Variants in FBXW11 observed in about 807,000 individuals in gnomAD.
FBXW11 encodes F-box and WD repeat domain containing 11, also known as F-box/WD repeat-containing protein 11.
FBXW11 carries 19 observed loss-of-function variants against 77.6 expected under a neutral mutation model. That is an observed-to-expected ratio of 0.24 (90% CI 0.17 to 0.36). FBXW11 has a LOEUF of 0.36. Ranked by LOEUF, FBXW11 falls within the 10% of genes least tolerant of loss-of-function variation. The pLI is 1.00. For synonymous variants in FBXW11, 235 were observed against 249.4 expected, an observed-to-expected ratio of 0.94 and a Z score of 0.54; for missense variants, 334 against 704.2, an observed-to-expected ratio of 0.47 and a Z score of 5.95.
At position 172,006,383 on chromosome 5, in the gene FBXW11, C is replaced by A. The variant is rs199729973; in HGVS notation, c.45+75G>T. ...GGGAAGGGCCAGAGCCGGCCTCGCA[C>A]CGGACGTTGAGGTGGGCAGGCCCGC... On this transcript the variant is annotated intron_variant, in intron 1 of 13. Transcript: ENST00000517395. The A allele has an allele frequency of 4.5e-4, 604 of 1,350,378 alleles. 1 individual carries two copies. The highest frequency in any genetic ancestry group is 5.8e-4 in the Non-Finnish European group (579 of 996,036). The allele number at this position is 1,350,378 out of a possible 1,614,324, so 83.6% of individuals were successfully genotyped here.
At chr5:171,952,254 A>G (rs1488512432) in intron 2 of FBXW11, among the ~76,000 whole-genome samples, 1 of 150,676 alleles carries the variant, frequency 6.6e-6, no homozygotes, top group African/African-American at 2.4e-5. Flanking sequence ...AATAGCAACA[A>G]ATGTTCTCTC....
At chr5:171,969,840 A>G (rs112288058) in intron 1 of FBXW11, among the ~76,000 whole-genome samples, 7,284 of 152,010 alleles carry the variant, frequency 0.048, 529 homozygotes, top group African/African-American at 0.17. Context: ...TAGAGCTGGG[A>G]TTACAGGTGT....
chr5:171,953,591 G>A (rs2113289347), intron 2 of FBXW11, among the ~76,000 whole-genome samples: 1 of 152,222 alleles, frequency 6.6e-6, no homozygotes, highest in African/African-American at 2.4e-5. Context: ...TGGAGAACCA[G>A]GAGCAAGTAA....
intron 4 of FBXW11, among the ~76,000 whole-genome samples, chr5:171,907,610 A>G (rs991811546): frequency 6.6e-6 from 1 of 152,198 alleles, no homozygotes; most frequent in Admixed American, 6.5e-5. Flanking sequence ...ACATATGTAT[A>G]TATGTTCAGA....
chr5:171,972,256 T>C (rs944155387), intron 1 of FBXW11, among the ~76,000 whole-genome samples: 8 of 151,398 alleles, frequency 5.3e-5, no homozygotes, highest in South Asian at 2.1e-4. Context: ...GGCAGGAGAA[T>C]TGCTTGAGCC....
rs1468805254 is a variant in FBXW11, at chr5:171,957,499, A to G, written c.147+98T>C. 8.1e-6 allele frequency: 9 copies of G among 1,115,784 alleles called. No homozygotes were observed. The African/African-American group carries it at 1.1e-4, about 13-fold the overall frequency. 69.1% of individuals were successfully genotyped at this position (1,115,784 alleles called of 1,614,324 possible). On this transcript the variant is annotated intron_variant, in intron 2 of 13. Transcript: ENST00000517395. ...AAGCAGAGGGTTACACAGAACATTT[A>G]GCAGACTTAACATTGGATTAAACAC...
Position 171,877,991 on chromosome 5 carries a change from A to C in FBXW11, c.971+20T>G, listed in dbSNP as rs780881448. Reference sequence around the variant, plus strand: ...CAGGGAAGGCTTACAAGTTAAGAACAATGAAGCCAGATCACTCACCTCACC... The same window carrying C: ...CAGGGAAGGCTTACAAGTTAAGAACCATGAAGCCAGATCACTCACCTCACC... On this transcript the variant is annotated intron_variant, in intron 8 of 13. Coordinates refer to ENST00000517395, the MANE Select transcript of FBXW11 (RefSeq NM_001378974.1). The C allele has an allele frequency of 2.6e-6, 4 of 1,561,560 alleles. No individual in the cohort carries two copies. The highest frequency in any genetic ancestry group is 3.5e-6 in the Non-Finnish European group (4 of 1,133,628).
rs1209575946 is a variant in FBXW11, at chr5:171,869,502, C to A, written c.1530+227G>T. The stretch of plus-strand genomic sequence containing the variant: ...ACCAGTCCACCTACAAATCAGGAAG[C>A]CTGCCTTCATATCTTAAGCTGCATT... On this transcript the variant is annotated intron_variant, in intron 12 of 13. Coordinates refer to ENST00000517395, the MANE Select transcript of FBXW11 (RefSeq NM_001378974.1). The surrounding 1 kb of genome is among the most constrained non-coding windows in gnomAD (Gnocchi z 4.1). Among the ~76,000 whole-genome samples, 2 of 152,194 alleles carry A rather than the reference C, an allele frequency of 1.3e-5. No homozygotes were observed. Among genetic ancestry groups the A allele is most frequent in the African/African-American group, 4.8e-5 (2 of 41,436 alleles).
chr5:171,903,660 G>A (rs759868651), intron 4 of FBXW11, among the ~76,000 whole-genome samples: 1 of 151,922 alleles, frequency 6.6e-6, no homozygotes, highest in Non-Finnish European at 1.5e-5. Flanking sequence ...TTAGAACATA[G>A]CTAATTACAG....
intron 1 of FBXW11, among the ~76,000 whole-genome samples, chr5:171,978,256 G>T (rs1359845754): frequency 6.6e-6 from 1 of 152,180 alleles, no homozygotes; most frequent in Non-Finnish European, 1.5e-5. Flanking sequence ...GAAAACAGAG[G>T]TGTCAAAGTT....
At chr5:171,891,690 A>C in intron 6 of FBXW11, 86 bp from the exon 7 acceptor site, 1 of 1,366,790 alleles carries the variant, frequency 7.3e-7, no homozygotes, top group Non-Finnish European at 1.0e-6. Flanking sequence ...TTCCAGAAAC[A>C]GCATACCACC....
At chr5:171,958,173 C>A (rs1314081123) in intron 1 of FBXW11, among the ~76,000 whole-genome samples, 4 of 152,114 alleles carry the variant, frequency 2.6e-5, no homozygotes, top group Admixed American at 2.6e-4. Flanking sequence ...TGTAAGGAAA[C>A]CGAGGCTCAA....
rs1380991872 is a variant in FBXW11, at chr5:171,876,541, G to A, written c.972-7C>T. On this transcript the variant is annotated splice_polypyrimidine_tract_variant and splice_region_variant and intron_variant, in intron 8 of 13. Transcript: ENST00000517395. The surrounding 1 kb of genome is among the most constrained non-coding windows in gnomAD (Gnocchi z 4.2). ...CGTGTTCACATCCCACACTCTAGGA[G>A]AGAAGAGAAAAGCATGATGCTTAAT... The A allele has an allele frequency of 3.1e-6, 5 of 1,611,236 alleles. No homozygotes were observed. Among genetic ancestry groups the A allele is most frequent in the Non-Finnish European group, 4.2e-6 (5 of 1,177,644 alleles).
chr5:171,920,434 A>AC (rs1554100696), intron 2 of FBXW11, among the ~76,000 whole-genome samples: 3 of 148,000 alleles, frequency 2.0e-5, no homozygotes, highest in Non-Finnish European at 4.5e-5. Context: ...AAAAAAAAAA[A>AC]CCCTGAAGGG....
At chr5:171,935,847 G>A (rs983007866) in intron 2 of FBXW11, among the ~76,000 whole-genome samples, 8 of 151,886 alleles carry the variant, frequency 5.3e-5, no homozygotes, top group Non-Finnish European at 1.2e-4. Context: ...GTTGTGGCTC[G>A]CACCTGTAAT....
chr5:171,997,485 T>C (rs566233424), intron 1 of FBXW11, among the ~76,000 whole-genome samples: 1 of 152,354 alleles, frequency 6.6e-6, no homozygotes, highest in East Asian at 1.9e-4. Flanking sequence ...ACCATAAAGA[T>C]ATTTATTTAC....
In FBXW11 at chr5:171,876,192, T is replaced by C. The variant is rs1273404872; in HGVS notation, c.1221+93A>G. Reference sequence around the variant, plus strand: ...TAAGCACAGAGGAGAATAAAGATCTTGCCAGGTACCAGGTTGGTATAAGCC... The same window carrying C: ...TAAGCACAGAGGAGAATAAAGATCTCGCCAGGTACCAGGTTGGTATAAGCC... On this transcript the variant is annotated intron_variant, in intron 9 of 13. Transcript: ENST00000517395. This position sits in a 1 kb window ranked among gnomAD's most constrained non-coding sequence, Gnocchi z 4.2. The C allele has an allele frequency of 6.9e-7, 1 of 1,458,962 alleles. No homozygotes were observed. Among genetic ancestry groups the C allele is most frequent in the East Asian group, 2.3e-5 (1 of 43,922 alleles). 90.4% of individuals were successfully genotyped at this position (1,458,962 alleles called of 1,614,324 possible). A position where few individuals can be genotyped will look rare whatever the true frequency, so the allele number is the denominator to read the frequency against.
In FBXW11 at chr5:171,998,336, C is replaced by CTTTTTTTTTTT. The variant is rs778327855; in HGVS notation, c.45+8111_45+8121dup. 7.4e-3 allele frequency among the ~76,000 whole-genome samples: 847 copies of CTTTTTTTTTTT among 114,756 alleles called. 94 individuals carry two copies. Among genetic ancestry groups the CTTTTTTTTTTT allele is most frequent in the African/African-American group, 0.032 (778 of 23,966 alleles). The allele number at this position is 114,756 out of a possible 152,430, so 75.3% of individuals were successfully genotyped here. A position where few individuals can be genotyped will look rare whatever the true frequency, so the allele number is the denominator to read the frequency against. ...ACAGCCCATGATATTTTTTTCTTGT[C>CTTTTTTTTTTT]TTTTTTTTTTTTTTTTTAAGTAGAG... On this transcript the variant is annotated intron_variant, in intron 1 of 13. Transcript: ENST00000517395.
chr5:171,900,602 C>G (rs1479513711), intron 4 of FBXW11, among the ~76,000 whole-genome samples: 1 of 152,154 alleles, frequency 6.6e-6, no homozygotes, highest in African/African-American at 2.4e-5. Context: ...GTGTGAATCC[C>G]TGGGAGATCA....
Sources: allele counts gnomAD v4.1 joint callset (sites outside exome capture counted in the v4.1 genomes callset), GRCh38; gene constraint gnomAD v4.1.1; non-coding constraint Gnocchi (gnomAD v3.1); transcripts MANE v1.5; gene names NCBI Gene and HGNC (gene_info 2026-07-23, HGNC 2026-07-21).